The following HAVCR1 variants were observed in gnomAD, a reference collection of about 807,000 sequenced individuals.
The protein encoded by HAVCR1 is T cell immunoglobin domain and mucin domain protein 1.
A neutral mutation model predicts 32.0 loss-of-function variants in HAVCR1; 34 were observed. That is an observed-to-expected ratio of 1.06 (90% confidence interval 0.81 to 1.42). The LOEUF (loss-of-function observed/expected upper bound fraction) is 1.42. Among genes scored for constraint, HAVCR1 ranks in the 40% most tolerant of loss-of-function variants. HAVCR1 has a pLI of 0.00. For missense variants in HAVCR1, 420 were observed against 442.3 expected (o/e 0.95, Z 0.45); for synonymous variants, 178 against 170.3 (o/e 1.05, Z -0.35).
In HAVCR1 at chr5:157,040,788, T is replaced by TAC. The variant is rs1754844760; in HGVS notation, c.837+1837_837+1838dup. On this transcript the variant is annotated intron_variant, in intron 6 of 8. Transcript: ENST00000523175. ...GGTGGTGGGCGCCTATAATCCCAGC[T>TAC]ACTGGGGAGGCTGAGGCACAAGAAT... Among the ~76,000 whole-genome samples, 4 of 152,146 alleles carry TAC rather than the reference T, an allele frequency of 2.6e-5. No homozygotes were observed. The South Asian group carries it at 8.3e-4, about 32-fold the overall frequency.
chr5:157,044,615 G>GAAAGAAAGAAAGAGAA (rs760337335), intron 5 of HAVCR1, among the ~76,000 whole-genome samples: 190 of 52,624 alleles, frequency 3.6e-3, no homozygotes, highest in Middle Eastern at 0.021. Context: ...AAGAAAGAAA[G>GAAAGAAAGAAAGAGAA]AGAAAGAAAG....
intron 6 of HAVCR1, among the ~76,000 whole-genome samples, chr5:157,037,914 G>A (rs777036687): frequency 1.3e-5 from 2 of 152,006 alleles, no homozygotes; most frequent in East Asian, 3.9e-4. Context: ...CTTGGGAGGC[G>A]GAGGCAAAAA....
At chr5:157,037,963 C>T (rs1354604389) in intron 6 of HAVCR1, among the ~76,000 whole-genome samples, 2 of 151,346 alleles carry the variant, frequency 1.3e-5, no homozygotes, top group African/African-American at 4.9e-5. Flanking sequence ...GCCAAGATTT[C>T]GCCATTGCAC....
chr5:157,044,601 AAGAAAGAAAGAAAG>A (rs1207183866), intron 5 of HAVCR1, among the ~76,000 whole-genome samples: 75 of 88,840 alleles, frequency 8.4e-4, no homozygotes, highest in Non-Finnish European at 1.2e-3. Context: ...GAAAGAAAGA[AAGAAAGAAAGAAAG>A]AGAAAGAAAG....
chr5:157,054,703 A>G (rs1057062214), intron 3 of HAVCR1, among the ~76,000 whole-genome samples: 1 of 152,184 alleles, frequency 6.6e-6, no homozygotes, highest in Admixed American at 6.5e-5. Context: ...TGGAAAATGT[A>G]TGGTGGAAAA....
the HAVCR1 span, among the ~76,000 whole-genome samples, chr5:157,068,726 C>A: frequency 2.0e-5 from 3 of 151,358 alleles, no homozygotes; most frequent in African/African-American, 7.3e-5. Flanking sequence ...CATCCTCCTG[C>A]CTCAGCCTCC....
At chr5:157,043,390 C>T (rs10038271) in intron 5 of HAVCR1, among the ~76,000 whole-genome samples, 24,912 of 152,196 alleles carry the variant, frequency 0.16, 2,123 homozygotes, top group Middle Eastern at 0.3. Context: ...CTCAGCCAGG[C>T]ATGGGTGGCT....
chr5:157,037,634 CTG>C (rs914202669), intron 6 of HAVCR1, among the ~76,000 whole-genome samples: 1 of 152,166 alleles, frequency 6.6e-6, no homozygotes, highest in Non-Finnish European at 1.5e-5. Flanking sequence ...AAAACTAAAA[CTG>C]TATGCTTAAA....
chr5:157,035,511 CTT>C (rs1433353484), intron 7 of HAVCR1, among the ~76,000 whole-genome samples: 1 of 152,098 alleles, frequency 6.6e-6, no homozygotes, highest in Non-Finnish European at 1.5e-5. Context: ...TTTTTGAAGA[CTT>C]TTGTTTTACT....
chr5:157,042,716 C>CA (rs1554090057), intron 5 of HAVCR1, 34 bp from the exon 6 acceptor site: 5 of 1,312,020 alleles, frequency 3.8e-6, no homozygotes, highest in South Asian at 3.6e-5. Flanking sequence ...ATTAGAATTA[C>CA]AAAAAATATT....
At chr5:157,041,263 C>T (rs772663526) in intron 6 of HAVCR1, among the ~76,000 whole-genome samples, 3 of 152,070 alleles carry the variant, frequency 2.0e-5, no homozygotes, top group Non-Finnish European at 4.4e-5. Flanking sequence ...TTTGGGAGGC[C>T]AAGGCGGGAG....
chr5:157,063,303 G>C (rs988366921), upstream of HAVCR1, among the ~76,000 whole-genome samples: 11 of 82,506 alleles, frequency 1.3e-4, no homozygotes, highest in East Asian at 4.0e-3. Context: ...TTTTTTTTTT[G>C]AGATGGAGCT....
intron 5 of HAVCR1, among the ~76,000 whole-genome samples, chr5:157,048,031 T>C (rs1374019994): frequency 6.6e-6 from 1 of 152,186 alleles, no homozygotes; most frequent in Admixed American, 6.5e-5. Context: ...TCATCTGAGT[T>C]GATGATTGTT....
intron 7 of HAVCR1, among the ~76,000 whole-genome samples, chr5:157,033,999 G>A (rs1754340597): frequency 6.6e-6 from 1 of 152,218 alleles, no homozygotes; most frequent in Non-Finnish European, 1.5e-5. Flanking sequence ...GTTGCAGTGA[G>A]CTTTAAGGGG....
At chr5:157,066,958 T>C in the HAVCR1 span, among the ~76,000 whole-genome samples, 2 of 152,108 alleles carry the variant, frequency 1.3e-5, no homozygotes, top group Non-Finnish European at 2.9e-5. Context: ...TGGTGGTACA[T>C]GCTTGTAATC....
intron 8 of HAVCR1, among the ~76,000 whole-genome samples, chr5:157,031,079 A>G (rs1754144490): frequency 6.6e-6 from 1 of 151,456 alleles, no homozygotes; most frequent in African/African-American, 2.4e-5. Context: ...ATGAGCACAG[A>G]TTCGTGAGAT....
At chr5:157,057,491 G>A (rs140160570) in intron 2 of HAVCR1, among the ~76,000 whole-genome samples, 4 of 151,018 alleles carry the variant, frequency 2.6e-5, no homozygotes, top group African/African-American at 9.7e-5. Flanking sequence ...AAAAAAATCG[G>A]AAGGCACAAA....
At chr5:157,044,496 G>A (rs57740852) in intron 5 of HAVCR1, among the ~76,000 whole-genome samples, 7,048 of 95,308 alleles carry the variant, frequency 0.074, 565 homozygotes, top group Middle Eastern at 0.1. Flanking sequence ...AGGAAGGAAG[G>A]AAGGAAGGAA....
intron 7 of HAVCR1, 46 bp downstream of exon 7, chr5:157,037,201 T>G (rs4704837): frequency 0.87 from 791,936 of 911,770 alleles, 345,295 homozygotes; most frequent in East Asian, 0.98. Flanking sequence ...CAGGCAATTT[T>G]GCTGTACATC....
Sources: allele counts gnomAD v4.1 joint callset (sites outside exome capture counted in the v4.1 genomes callset), GRCh38; gene constraint gnomAD v4.1.1; transcripts MANE v1.5; gene names NCBI Gene and HGNC (gene_info 2026-07-23, HGNC 2026-07-21).